The following KLF17 variants were observed in gnomAD, a reference collection of about 807,000 sequenced individuals.
KLF17 encodes the protein Krueppel-like factor 17.
In KLF17, 31 loss-of-function variants were observed where a neutral mutation model predicts 34.2. The ratio of observed to expected loss-of-function variants is 0.91; its 90% CI spans 0.68 to 1.22. The LOEUF (loss-of-function observed/expected upper bound fraction) is 1.22, where lower values mean the gene tolerates loss of function less well. Ranked by LOEUF, KLF17 falls within the 50% of genes most tolerant of loss-of-function variation. The pLI is 0.00. For missense variants in KLF17, 478 were observed against 505.2 expected (o/e 0.95, Z 0.52); for synonymous variants, 179 against 186.7 (o/e 0.96, Z 0.34).
chr1:44,098,210 A>C, the KLF17 span, among the ~76,000 whole-genome samples: 1 of 152,232 alleles, frequency 6.6e-6, no homozygotes, highest in African/African-American at 2.4e-5. Context: ...ATGTTTCTAA[A>C]ATTTATCAAT....
chr1:44,124,056 G>A (rs919362570), intron 1 of KLF17, among the ~76,000 whole-genome samples: 1 of 152,054 alleles, frequency 6.6e-6, no homozygotes, highest in African/African-American at 2.4e-5. Flanking sequence ...CTATTGTTGA[G>A]TGGAGTGTTC....
At chr1:44,045,249 T>A in the KLF17 span, 1 of 152,328 alleles carries the variant, frequency 6.6e-6, no homozygotes, top group South Asian at 2.1e-4. Flanking sequence ...TGGCACCGTG[T>A]CTGATCCGGG....
In KLF17 at chr1:44,134,119, G is replaced by A. The variant is rs2088142754; in HGVS notation, c.*882G>A. 1 of 152,288 alleles carries A rather than the reference G, an allele frequency of 6.6e-6. No homozygotes were observed. The highest frequency in any genetic ancestry group is 2.4e-5 in the African/African-American group (1 of 41,460). The allele number at this position is 152,288 out of a possible 1,614,324, so 9.4% of individuals were successfully genotyped here. On this transcript the variant is annotated 3_prime_UTR_variant, in exon 4 of 4. Coordinates refer to ENST00000372299, the MANE Select transcript of KLF17 (RefSeq NM_173484.4). ...GGTGACCTAGCATTTTCACCAAGAA[G>A]TGGACGTGGAGAGGACCAGAGTGAT...
chr1:44,103,769 T>A, the KLF17 span: 2 of 1,063,042 alleles, frequency 1.9e-6, no homozygotes, highest in African/African-American at 1.5e-5. Context: ...GCTCGGCATC[T>A]GTGATGGCGG....
At chr1:44,072,155 G>A in the KLF17 span, among the ~76,000 whole-genome samples, 24 of 151,440 alleles carry the variant, frequency 1.6e-4, no homozygotes, top group African/African-American at 5.8e-4. Flanking sequence ...AGAGAAAAAA[G>A]AAAGGAACCC....
chr1:44,077,749 T>A, the KLF17 span, among the ~76,000 whole-genome samples: 1 of 152,194 alleles, frequency 6.6e-6, no homozygotes, highest in Non-Finnish European at 1.5e-5. Context: ...TTCTTACATG[T>A]CAGCTCAGGG....
chr1:44,065,751 A>G, the KLF17 span, among the ~76,000 whole-genome samples: 1 of 152,186 alleles, frequency 6.6e-6, no homozygotes, highest in Non-Finnish European at 1.5e-5. Flanking sequence ...TTTATTTATT[A>G]TACATTAGAA....
rs775079569 is a variant in KLF17, at chr1:44,130,634, C to G, written c.1048C>G (p.Arg350Gly). ...ACCATATAAATGTGATCAGTGCAGCCGGGAGTTCATGAGGTCTGACCATCT... is the reference window on the plus strand; with the variant it reads ...ACCATATAAATGTGATCAGTGCAGCGGGGAGTTCATGAGGTCTGACCATCT... Reference protein sequence around the residue: ...YRPYKCDQCSREFMRSDHLKQ... With the variant: ...YRPYKCDQCSGEFMRSDHLKQ... The change falls in exon 3 of 4, where the codon CGG (arginine) becomes GGG (glycine). Residue 350 changes from arginine to glycine, a missense_variant. Coordinates refer to ENST00000372299, the MANE Select transcript of KLF17 (RefSeq NM_173484.4). The G allele has an allele frequency of 6.2e-7, 1 of 1,614,036 alleles. No individual in the cohort carries two copies. Among genetic ancestry groups the G allele is most frequent in the Non-Finnish European group, 8.5e-7 (1 of 1,180,002 alleles).
rs2088151237 is a variant in KLF17, at chr1:44,134,921, G to T, written c.*1684G>T. On this transcript the variant is annotated 3_prime_UTR_variant, in exon 4 of 4. Transcript: ENST00000372299. ...TAAGTAACACAGAAGAAGAATGGAT[G>T]AACTTGATTCGTTTTCCATTGATTG... 3 of 152,118 alleles carry T rather than the reference G, an allele frequency of 2.0e-5. No homozygotes were observed. The South Asian group carries it at 6.2e-4, about 32-fold the overall frequency. 9.4% of individuals were successfully genotyped at this position (152,118 alleles called of 1,614,324 possible).
At chr1:44,115,653 G>A (rs1334686284), upstream of KLF17, 6 of 152,048 alleles carry the variant, frequency 3.9e-5, no homozygotes, top group African/African-American at 1.4e-4. Flanking sequence ...TAAAATGAAA[G>A]ATGAATAAAG....
the KLF17 span, chr1:44,103,360 C>T: frequency 4.0e-6 from 3 of 748,286 alleles, no homozygotes; most frequent in Non-Finnish European, 7.3e-6. Context: ...ACCGGCTTCC[C>T]GTTGCAGGTC....
At chr1:44,049,599 C>T in the KLF17 span, among the ~76,000 whole-genome samples, 3 of 152,210 alleles carry the variant, frequency 2.0e-5, no homozygotes, top group Admixed American at 6.5e-5. Flanking sequence ...CCTCTGAGCT[C>T]AGCCTCCTGA....
the KLF17 span, among the ~76,000 whole-genome samples, chr1:44,107,707 A>G: frequency 1.3e-5 from 2 of 152,288 alleles, no homozygotes; most frequent in East Asian, 3.9e-4. Flanking sequence ...GCGGTATCAC[A>G]GTGCTTATGT....
chr1:44,099,853 G>GAAAGAAAGAAAGAAAGAAAA, the KLF17 span, among the ~76,000 whole-genome samples: 1 of 39,946 alleles, frequency 2.5e-5, no homozygotes, highest in African/African-American at 9.4e-5. Context: ...AAGAAAGAAA[G>GAAAGAAAGAAAGAAAGAAAA]AAAGAAAGAA....
intron 1 of KLF17, chr1:44,122,494 A>C: frequency 9.6e-7 from 1 of 1,046,380 alleles, no homozygotes; most frequent in Admixed American, 1.7e-5. Flanking sequence ...AATTTCATCA[A>C]AAATCTCACG....
the KLF17 span, chr1:44,103,828 G>A: frequency 1.2e-6 from 1 of 801,342 alleles, no homozygotes; most frequent in Admixed American, 1.8e-5. Context: ...TCAGCCTGGA[G>A]CCCACTGATG....
the KLF17 span, among the ~76,000 whole-genome samples, chr1:44,093,106 C>A: frequency 1.3e-3 from 195 of 152,242 alleles, no homozygotes; most frequent in African/African-American, 4.3e-3. Flanking sequence ...TTGATGTGAT[C>A]CTATTTGTCC....
chr1:44,090,443 T>C, the KLF17 span, among the ~76,000 whole-genome samples: 1 of 151,468 alleles, frequency 6.6e-6, no homozygotes, highest in Admixed American at 6.6e-5. Flanking sequence ...TTAAATTACC[T>C]GTAAGTAGAA....
chr1:44,097,333 G>A, the KLF17 span, among the ~76,000 whole-genome samples: 1 of 152,150 alleles, frequency 6.6e-6, no homozygotes, highest in Non-Finnish European at 1.5e-5. Flanking sequence ...GCTTAGGATT[G>A]TCTTGGCTAT....
Sources: allele counts gnomAD v4.1 joint callset (sites outside exome capture counted in the v4.1 genomes callset), GRCh38; gene constraint gnomAD v4.1.1; transcripts MANE v1.5; gene names NCBI Gene and HGNC (gene_info 2026-07-23, HGNC 2026-07-21).